Variants in ADGRV1 observed in about 807,000 individuals in gnomAD.
The protein encoded by ADGRV1 is G-protein coupled receptor 98.
A neutral mutation model predicts 596.2 loss-of-function variants in ADGRV1; 359 were observed. The ratio of observed to expected loss-of-function variants is 0.60; its 90% confidence interval spans 0.55 to 0.66. The LOEUF (loss-of-function observed/expected upper bound fraction) is 0.66. ADGRV1 is among the 30% of genes least tolerant of loss of function. ADGRV1 has a pLI of 0.00. For synonymous variants in ADGRV1, 2,681 were observed against 2,679.2 expected, an observed-to-expected ratio of 1.00 and a Z score of -0.02; for missense variants, 7,274 against 7,575.6, an observed-to-expected ratio of 0.96 and a Z score of 1.48.
At chr5:90,998,695 GAT>G (rs893967310) in intron 85 of ADGRV1, among the ~76,000 whole-genome samples, 1 of 152,038 alleles carries the variant, frequency 6.6e-6, no homozygotes, top group Non-Finnish European at 1.5e-5. Flanking sequence ...TACTTTAAAA[GAT>G]ATTGTCAAAG....
intron 1 of ADGRV1, among the ~76,000 whole-genome samples, chr5:90,600,747 TA>T (rs941366828): frequency 6.6e-6 from 1 of 152,224 alleles, no homozygotes; most frequent in African/African-American, 2.4e-5. Context: ...GCCAGAATAA[TA>T]AAATGTTTAT....
chr5:91,028,037 C>CTTTT (rs748293256), intron 85 of ADGRV1, among the ~76,000 whole-genome samples: 1 of 102,606 alleles, frequency 9.7e-6, no homozygotes, highest in African/African-American at 3.3e-5. Flanking sequence ...TTTTTTCTTT[C>CTTTT]TTTTTTTTTT....
In ADGRV1 at chr5:90,811,090, G is replaced by C. The variant is rs747856236; in HGVS notation, c.15830G>C (p.Arg5277Pro). Reference protein sequence around the residue: ...AQMEPNALPFRGIYGISNLTW... With the variant: ...AQMEPNALPFPGIYGISNLTW... ...ATGGAACCAAATGCATTGCCCTTTCGTGGTATCTATGGGATTTCCAACCTA... is the reference window on the plus strand; with the variant it reads ...ATGGAACCAAATGCATTGCCCTTTCCTGGTATCTATGGGATTTCCAACCTA... The change falls in exon 74 of 90, where the codon CGT (arginine) becomes CCT (proline). Residue 5277 changes from arginine (R) to proline (P), a missense_variant. Physicochemically the swap from Arg to Pro is moderately radical, Grantham distance 103. This residue lies in a region of ADGRV1 where 1,874 missense variants were observed against 1,970.2 expected (regional missense o/e 0.95). Transcript: ENST00000405460. 2 of 1,613,874 alleles carry C rather than the reference G, an allele frequency of 1.2e-6. No homozygotes were observed. The highest frequency in any genetic ancestry group is 8.5e-7 in the Non-Finnish European group (1 of 1,179,772).
At chr5:90,712,600 G>A (rs931984841) in intron 42 of ADGRV1, among the ~76,000 whole-genome samples, 172 bp downstream of exon 42, 1 of 152,078 alleles carries the variant, frequency 6.6e-6, no homozygotes, top group African/African-American at 2.4e-5. Flanking sequence ...TGCCTCTCAC[G>A]TGTGTATGTT....
intron 52 of ADGRV1, among the ~76,000 whole-genome samples, chr5:90,748,593 ACT>A (rs1467449349): frequency 7.9e-5 from 12 of 152,140 alleles, no homozygotes; most frequent in African/African-American, 2.9e-4. Context: ...TAAGACATGA[ACT>A]GGGTCTTGAG....
In ADGRV1 at chr5:90,650,411, G is replaced by A. The variant is rs568183000; in HGVS notation, c.3290-1193G>A. Among the ~76,000 whole-genome samples, 4 of 152,094 alleles carry A rather than the reference G, an allele frequency of 2.6e-5. No homozygotes were observed. In the South Asian group the frequency reaches 8.3e-4, roughly 32 times the overall value. The stretch of plus-strand genomic sequence containing the variant: ...TTTTATTATATGCTCTTTATTTATT[G>A]TCAGCGTTTTCTACACAATGATTTG... On this transcript the variant is annotated intron_variant, in intron 17 of 89. Transcript: ENST00000405460.
At chr5:90,786,316 G>T (rs1451276548) in intron 67 of ADGRV1, among the ~76,000 whole-genome samples, 4 of 152,132 alleles carry the variant, frequency 2.6e-5, no homozygotes, top group Non-Finnish European at 5.9e-5. Context: ...GAGTTGATGG[G>T]TGCAGCAAAC....
chr5:90,984,014 A>C (rs1205034147), intron 84 of ADGRV1, among the ~76,000 whole-genome samples: 2 of 152,202 alleles, frequency 1.3e-5, no homozygotes, highest in Admixed American at 6.5e-5. Context: ...TGACCTCTTA[A>C]TAAGAGATTT....
intron 23 of ADGRV1, 62 bp from the exon 24 acceptor site, chr5:90,675,181 T>A (rs1245618376): frequency 7.1e-7 from 1 of 1,406,948 alleles, no homozygotes; most frequent in Non-Finnish European, 9.7e-7. Context: ...ATCGCTTTAA[T>A]TGAATAAGAA....
intron 50 of ADGRV1, among the ~76,000 whole-genome samples, chr5:90,736,758 CTG>C (rs1223211025): frequency 2.6e-5 from 4 of 151,790 alleles, no homozygotes; most frequent in Non-Finnish European, 4.4e-5. Context: ...TGGCACATAA[CTG>C]TGGTAGTTTC....
At chr5:90,998,980 T>C (rs115088394) in intron 85 of ADGRV1, among the ~76,000 whole-genome samples, 2 of 152,268 alleles carry the variant, frequency 1.3e-5, no homozygotes, top group African/African-American at 4.8e-5. Flanking sequence ...TTGAATATCT[T>C]TGCATAGATT....
At chr5:91,119,655 C>A (rs1203414235) in intron 87 of ADGRV1, among the ~76,000 whole-genome samples, 1 of 152,148 alleles carries the variant, frequency 6.6e-6, no homozygotes, top group Non-Finnish European at 1.5e-5. Flanking sequence ...TGACTTCAGG[C>A]ATCATACCTC....
chr5:90,789,254 A>T (rs1257930042), intron 68 of ADGRV1, among the ~76,000 whole-genome samples: 1 of 152,200 alleles, frequency 6.6e-6, no homozygotes, highest in Non-Finnish European at 1.5e-5. Flanking sequence ...AGTGACATCT[A>T]GATGAGCGTT....
chr5:91,135,329 C>T (rs1461222845), intron 87 of ADGRV1, among the ~76,000 whole-genome samples: 2 of 152,142 alleles, frequency 1.3e-5, no homozygotes, highest in Non-Finnish European at 2.9e-5. Context: ...CGCATACATA[C>T]ATACACACAG....
chr5:90,896,592 G>A (rs931163853), intron 83 of ADGRV1, among the ~76,000 whole-genome samples: 26 of 151,984 alleles, frequency 1.7e-4, no homozygotes, highest in African/African-American at 6.0e-4. Flanking sequence ...TATGTATTAT[G>A]TAAGAATTGA....
At chr5:90,572,470 G>A (rs1226429645) in intron 1 of ADGRV1, among the ~76,000 whole-genome samples, 2 of 151,930 alleles carry the variant, frequency 1.3e-5, no homozygotes, top group East Asian at 1.9e-4. Flanking sequence ...GAACTGGTAC[G>A]AAAGCAGAAA....
rs1335623916 is a variant in ADGRV1, at chr5:90,703,776, G to A, written c.8267G>A (p.Gly2756Glu). 5 of 1,598,220 alleles carry A rather than the reference G, an allele frequency of 3.1e-6. No homozygotes were observed. The highest frequency in any genetic ancestry group is 3.4e-6 in the Non-Finnish European group (4 of 1,172,190). Residue 2756 changes from glycine to glutamate, a missense_variant, in exon 35 of 90, where the codon GGA (glycine) becomes GAA (glutamate). By Grantham distance (98) the Gly-to-Glu change is moderately conservative. This residue lies in a region of ADGRV1 where 3,643 missense variants were observed against 3,809.2 expected (regional missense o/e 0.96). Transcript: ENST00000405460. ...GAACTCAATTTTGCTAACTTTAGCG[G>A]ACAACTTTTCTTTCCTGAGGTAATA... ...NLELNFANFS[G>E]QLFFPEGSLN...
intron 21 of ADGRV1, among the ~76,000 whole-genome samples, chr5:90,672,016 C>T (rs1371893814): frequency 6.6e-6 from 1 of 152,178 alleles, no homozygotes; most frequent in African/African-American, 2.4e-5. Context: ...CCCCATTTGG[C>T]ACTTCATGCC....
intron 86 of ADGRV1, among the ~76,000 whole-genome samples, chr5:91,089,132 C>T (rs1044638648): frequency 6.6e-6 from 1 of 152,080 alleles, no homozygotes; most frequent in Non-Finnish European, 1.5e-5. Context: ...TAATAATAAG[C>T]CTTTATATAA....
Sources: gnomAD v4.1 joint callset for allele counts (sites outside exome capture counted in the v4.1 genomes callset) on GRCh38, gnomAD v4.1.1 for gene constraint, gnomAD v4.1.1 regional missense constraint, MANE v1.5 for transcripts, NCBI Gene and HGNC (gene_info 2026-07-23, HGNC 2026-07-21) for gene names.